Variants in C10orf143 observed in about 807,000 individuals in gnomAD.
C10orf143 encodes chromosome 10 open reading frame 143.
intron 3 of C10orf143, among the ~76,000 whole-genome samples, chr10:130,053,423 C>T (rs751548711): frequency 2.6e-5 from 4 of 152,188 alleles, no homozygotes; most frequent in Non-Finnish European, 5.9e-5. Flanking sequence ...ATAAAAAATA[C>T]TTCAGGATGT....
chr10:130,108,888 G>A (rs143946950), intron 1 of C10orf143, among the ~76,000 whole-genome samples: 64 of 152,258 alleles, frequency 4.2e-4, no homozygotes, highest in African/African-American at 1.4e-3. Context: ...TATTTGCCAC[G>A]TCTCCACTAA....
At chr10:130,075,166 G>A (rs1261368368) in intron 3 of C10orf143, among the ~76,000 whole-genome samples, 2 of 152,134 alleles carry the variant, frequency 1.3e-5, no homozygotes, top group Non-Finnish European at 2.9e-5. Flanking sequence ...AGACTCCATG[G>A]CACCAGGAAA....
At chr10:130,074,280 A>T (rs920636366) in intron 3 of C10orf143, among the ~76,000 whole-genome samples, 3 of 152,196 alleles carry the variant, frequency 2.0e-5, no homozygotes, top group Non-Finnish European at 4.4e-5. Flanking sequence ...CTGTAAATTG[A>T]CAGGGTTAGA....
intron 3 of C10orf143, among the ~76,000 whole-genome samples, chr10:130,072,189 C>T (rs1273847201): frequency 6.6e-6 from 1 of 152,154 alleles, no homozygotes; most frequent in Non-Finnish European, 1.5e-5. Context: ...TACACTTAGG[C>T]CAATTAACAC....
In C10orf143 at chr10:130,108,110, T is replaced by C. The variant is rs1366354418; in HGVS notation, c.69+2594A>G. 4.5e-6 allele frequency: 7 copies of C among 1,543,066 alleles called. No individual in the cohort carries two copies. The East Asian group carries it at 9.0e-5, about 20-fold the overall frequency. ...TGAAAATGCAGCAACTGGCCCTCGC[T>C]TTGTTCCTCCACCTCTTGCCCTAAT... On this transcript the variant is annotated intron_variant, in intron 1 of 3. Transcript: ENST00000637128.
intron 1 of C10orf143, among the ~76,000 whole-genome samples, chr10:130,097,876 C>T (rs1048643147): frequency 6.6e-6 from 1 of 152,154 alleles, no homozygotes; most frequent in Non-Finnish European, 1.5e-5. Context: ...GAGAGAAAGT[C>T]AGTCAGTGGT....
At chr10:130,040,149 A>G (rs1860589375) in intron 3 of C10orf143, among the ~76,000 whole-genome samples, 1 of 152,034 alleles carries the variant, frequency 6.6e-6, no homozygotes. Flanking sequence ...TCCCTAAGGG[A>G]GTGCTGGGAA....
chr10:130,055,548 C>A (rs1415403436), intron 3 of C10orf143, among the ~76,000 whole-genome samples: 1 of 152,194 alleles, frequency 6.6e-6, no homozygotes, highest in Non-Finnish European at 1.5e-5. Context: ...GATATAATTT[C>A]TTCCACTGAT....
intron 3 of C10orf143, among the ~76,000 whole-genome samples, chr10:130,073,829 T>A (rs1007753555): frequency 6.6e-6 from 1 of 152,210 alleles, no homozygotes; most frequent in Non-Finnish European, 1.5e-5. Flanking sequence ...AATATCCATA[T>A]TCCAGAGAAA....
Position 130,074,190 on chromosome 10 carries a change from T to C in C10orf143, c.297+5376A>G, listed in dbSNP as rs1370856775. Among the ~76,000 whole-genome samples the C allele has an allele frequency of 2.0e-5, 3 of 152,004 alleles. No individual in the cohort carries two copies. The East Asian group carries it at 5.8e-4, about 29-fold the overall frequency. ...AAAGCAGAGGGGGCTCCAAGCAGAG[T>C]GCTCAGGCCCCTGCCTCCCCATCAA... is the stretch of plus-strand genomic sequence containing the variant. On this transcript the variant is annotated intron_variant, in intron 3 of 3. Transcript: ENST00000637128.
intron 1 of C10orf143, among the ~76,000 whole-genome samples, chr10:130,109,508 G>C (rs1460107826): frequency 6.6e-6 from 1 of 152,088 alleles, no homozygotes; most frequent in East Asian, 1.9e-4. Context: ...ATCTTGTTAG[G>C]GCCAGCGTGC....
At chr10:130,073,688 C>G (rs1197456021) in intron 3 of C10orf143, among the ~76,000 whole-genome samples, 1 of 152,064 alleles carries the variant, frequency 6.6e-6, no homozygotes, top group East Asian at 1.9e-4. Context: ...TTGGTTTTAT[C>G]TAACATGTTT....
rs147442840 is a variant in C10orf143, at chr10:130,065,370, G to A, written c.298-987C>T. 1 of 152,548 alleles carries A rather than the reference G, an allele frequency of 6.6e-6. No homozygotes were observed. Among genetic ancestry groups the A allele is most frequent in the African/African-American group, 2.4e-5 (1 of 41,570 alleles). 9.4% of individuals were successfully genotyped at this position (152,548 alleles called of 1,614,324 possible). Reference sequence around the variant, plus strand: ...CCTGAAGAAGGCTTCACACAAGACAGGAATCTCGGGTGGGCCACGAAGGAG... The same window carrying A: ...CCTGAAGAAGGCTTCACACAAGACAAGAATCTCGGGTGGGCCACGAAGGAG... On this transcript the variant is annotated intron_variant, in intron 3 of 3. Coordinates refer to ENST00000637128, the MANE Select transcript of C10orf143 (RefSeq NM_001355042.2). This position sits in a 1 kb window ranked among gnomAD's most constrained non-coding sequence, Gnocchi z 4.2.
In C10orf143 at chr10:130,064,344, C is replaced by G. The variant is rs1860894575; in HGVS notation, c.*10G>C. ...AAAACTGGGACCTTCTTTTTTCCAG[C>G]TTGCATCTTCTAATGATTCTTGGTA... is the stretch of plus-strand genomic sequence containing the variant. On this transcript the variant is annotated 3_prime_UTR_variant, in exon 4 of 4. Coordinates refer to ENST00000637128, the MANE Select transcript of C10orf143 (RefSeq NM_001355042.2). The G allele has an allele frequency of 2.5e-6, 1 of 398,566 alleles. No individual in the cohort carries two copies. The highest frequency in any genetic ancestry group is 4.4e-6 in the Non-Finnish European group (1 of 226,046). 24.7% of individuals were successfully genotyped at this position (398,566 alleles called of 1,614,324 possible).
At chr10:130,071,093 A>G (rs1861025399) in intron 3 of C10orf143, among the ~76,000 whole-genome samples, 1 of 151,944 alleles carries the variant, frequency 6.6e-6, no homozygotes, top group Non-Finnish European at 1.5e-5. Flanking sequence ...TGTTTTTTGT[A>G]TTTTTAGTAG....
At chr10:130,095,085 G>A (rs1340456133) in intron 1 of C10orf143, among the ~76,000 whole-genome samples, 1 of 152,026 alleles carries the variant, frequency 6.6e-6, no homozygotes, top group South Asian at 2.1e-4. Flanking sequence ...ACCAATAATA[G>A]ACAAACAGAG....
At position 130,094,022 on chromosome 10, in the gene C10orf143, A is replaced by G. The variant is rs1461537445; in HGVS notation, c.70-14121T>C. 2.6e-5 allele frequency among the ~76,000 whole-genome samples: 4 copies of G among 151,690 alleles called. No homozygotes were observed. In the East Asian group the frequency reaches 5.8e-4, roughly 22 times the overall value. On this transcript the variant is annotated intron_variant, in intron 1 of 3. Transcript: ENST00000637128. The stretch of plus-strand genomic sequence containing the variant: ...GAGACTCCATCTCACCATTAAAAAA[A>G]AAAAAAAATTATAAAGTGGATATCA...
rs1313241084 is a variant in C10orf143, at chr10:130,110,759, G to GCTA, written c.11_13dup (p.Leu4_Ala5insVal). The GCTA allele has an allele frequency of 2.5e-6, 1 of 398,882 alleles. No individual in the cohort carries two copies. The highest frequency in any genetic ancestry group is 4.4e-6 in the Non-Finnish European group (1 of 226,164). 24.7% of individuals were successfully genotyped at this position (398,882 alleles called of 1,614,324 possible). The stretch of plus-strand genomic sequence containing the variant: ...CCTCCGCTGTCGCCAGCGGCCGAGC[G>GCTA]CTAAGCTGTCCATGCAGCCCCAGGG... On this transcript the variant is annotated inframe_insertion, in exon 1 of 4. Coordinates refer to ENST00000637128, the MANE Select transcript of C10orf143 (RefSeq NM_001355042.2).
intron 1 of C10orf143, chr10:130,108,551 A>T: frequency 1.6e-6 from 1 of 612,438 alleles, no homozygotes; most frequent in Non-Finnish European, 3.0e-6. Flanking sequence ...ATTGAAACTT[A>T]ATGGAATTAT....
Sources: allele counts gnomAD v4.1 joint callset (sites outside exome capture counted in the v4.1 genomes callset), GRCh38; gene constraint gnomAD v4.1.1; non-coding constraint Gnocchi (gnomAD v3.1); transcripts MANE v1.5; gene names NCBI Gene and HGNC (gene_info 2026-07-23, HGNC 2026-07-21).